TFDP2: variants seen among roughly 807,000 people sequenced by gnomAD.
The protein encoded by TFDP2 is transcription factor Dp-2.
A neutral mutation model predicts 59.3 loss-of-function variants in TFDP2; 17 were observed. That is an observed-to-expected ratio of 0.29 (90% CI 0.20 to 0.43). The LOEUF (loss-of-function observed/expected upper bound fraction) is 0.43, where lower values mean the gene tolerates loss of function less well. TFDP2 is among the 20% of genes least tolerant of loss of function. TFDP2 has a pLI of 1.00. For synonymous variants in TFDP2, 180 were observed against 194.7 expected (o/e 0.92, Z 0.63); for missense variants, 391 against 528.8 (o/e 0.74, Z 2.56).
intron 2 of TFDP2, among the ~76,000 whole-genome samples, chr3:142,097,856 GC>G (rs55699270): frequency 0.085 from 12,958 of 152,138 alleles, 691 homozygotes; most frequent in Middle Eastern, 0.14. Flanking sequence ...CACGATCTCG[GC>G]TCACTGCAAC....
intron 3 of TFDP2, among the ~76,000 whole-genome samples, chr3:142,010,921 A>G (rs1176282424): frequency 8.3e-6 from 1 of 121,148 alleles, no homozygotes; most frequent in Non-Finnish European, 1.7e-5. Context: ...AATGGCAATC[A>G]TTAAAAAGTC....
Position 141,999,893 on chromosome 3 carries a change from G to A in TFDP2, c.187-4752C>T, listed in dbSNP as rs190477136. On this transcript the variant is annotated intron_variant, in intron 4 of 12. Coordinates refer to ENST00000489671, the MANE Select transcript of TFDP2 (RefSeq NM_001178139.2). Reference sequence around the variant, plus strand: ...TGGGACTACAGGCGCCTGCCACCACGCCCGGCTAATTTTTTGTACTTTTAG... The same window carrying A: ...TGGGACTACAGGCGCCTGCCACCACACCCGGCTAATTTTTTGTACTTTTAG... Among the ~76,000 whole-genome samples, 921 of 152,004 alleles carry A rather than the reference G, an allele frequency of 6.1e-3. 12 individuals carry two copies. Among genetic ancestry groups the A allele is most frequent in the South Asian group, 0.03 (143 of 4,818 alleles).
Position 141,944,794 on chromosome 3 carries a change from G to A in TFDP2, c.*7719C>T, listed in dbSNP as rs1204076956. On this transcript the variant is annotated 3_prime_UTR_variant, in exon 13 of 13. Transcript: ENST00000489671. ...ATTTCAGAAAATCAGGAGTAATTACGTATACAGAAATAGCTCTTCTATAAA... is the reference window on the plus strand; with the variant it reads ...ATTTCAGAAAATCAGGAGTAATTACATATACAGAAATAGCTCTTCTATAAA... 1 of 152,114 alleles carries A rather than the reference G, an allele frequency of 6.6e-6. No individual in the cohort carries two copies. The highest frequency in any genetic ancestry group is 2.4e-5 in the African/African-American group (1 of 41,426). The allele number at this position is 152,114 out of a possible 1,614,324, so 9.4% of individuals were successfully genotyped here.
chr3:142,034,208 G>A (rs988847111), intron 3 of TFDP2, among the ~76,000 whole-genome samples: 5 of 148,826 alleles, frequency 3.4e-5, no homozygotes, highest in Middle Eastern at 3.5e-3. Context: ...CAATTCTCCC[G>A]CCTCAGCCTC....
chr3:142,068,432 A>C (rs886567790), intron 3 of TFDP2, among the ~76,000 whole-genome samples: 1 of 152,210 alleles, frequency 6.6e-6, no homozygotes, highest in South Asian at 2.1e-4. Flanking sequence ...GTTGAACTTC[A>C]TTAAAATTAA....
intron 8 of TFDP2, 97 bp downstream of exon 8, chr3:141,973,951 T>C (rs763452989): frequency 3.0e-5 from 42 of 1,385,378 alleles, no homozygotes; most frequent in African/African-American, 6.0e-5. Context: ...ACATGAAAAA[T>C]TGGAAATATT....
intron 1 of TFDP2, among the ~76,000 whole-genome samples, chr3:142,129,596 A>G (rs1176956246): frequency 6.6e-6 from 1 of 152,096 alleles, no homozygotes. Context: ...GAACCCCTAT[A>G]ATGCAACAAT....
chr3:142,030,372 G>A (rs1560063693), intron 3 of TFDP2, among the ~76,000 whole-genome samples: 1 of 152,150 alleles, frequency 6.6e-6, no homozygotes, highest in Non-Finnish European at 1.5e-5. Flanking sequence ...ATTCTATAAA[G>A]TAAGTTTTTG....
In TFDP2 at chr3:142,093,122, A is replaced by C; in HGVS notation, c.21T>G (p.Gly7=). 6.5e-7 allele frequency: 1 copy of C among 1,539,918 alleles called. No individual in the cohort carries two copies. Among genetic ancestry groups the C allele is most frequent in the East Asian group, 2.4e-5 (1 of 41,664 alleles). Residue 7 remains glycine, a synonymous_variant, in exon 3 of 13, where the codon GGT becomes GGG. Coordinates refer to ENST00000489671, the MANE Select transcript of TFDP2 (RefSeq NM_001178139.2). ...TTACTTCTGCATTTGTGGAAGTCAA[A>C]CCAACCTGAATAAAACCGTTTAAAA... MTAKNV[G]LTSTNAEVRG... is the part of the protein sequence containing the mutation.
intron 3 of TFDP2, among the ~76,000 whole-genome samples, chr3:142,013,384 CA>C (rs1328101738): frequency 6.6e-6 from 1 of 152,118 alleles, no homozygotes; most frequent in Admixed American, 6.6e-5. Context: ...GTTTTTGACT[CA>C]AAAGGACACC....
intron 6 of TFDP2, among the ~76,000 whole-genome samples, chr3:141,982,735 C>T (rs1941621695): frequency 6.6e-6 from 1 of 152,110 alleles, no homozygotes; most frequent in Admixed American, 6.6e-5. Context: ...GGAACAACTA[C>T]AATTTTAACA....
intron 3 of TFDP2, among the ~76,000 whole-genome samples, chr3:142,059,338 A>G (rs1269830261): frequency 2.1e-4 from 32 of 152,180 alleles, no homozygotes; most frequent in Admixed American, 2.1e-3. Flanking sequence ...AGGTCTAAAG[A>G]TCTGGAATAA....
chr3:142,010,419 GC>G (rs769580752), intron 3 of TFDP2, among the ~76,000 whole-genome samples: 2 of 152,052 alleles, frequency 1.3e-5, no homozygotes, highest in Non-Finnish European at 2.9e-5. Context: ...CACCAGCTTG[GC>G]CAACATGGTG....
intron 3 of TFDP2, among the ~76,000 whole-genome samples, chr3:142,044,428 G>T (rs896902274): frequency 6.6e-6 from 1 of 151,986 alleles, no homozygotes; most frequent in Non-Finnish European, 1.5e-5. Context: ...TAGAGATGGG[G>T]TTTCATCATG....
chr3:142,112,419 T>C (rs963424610), intron 1 of TFDP2, among the ~76,000 whole-genome samples: 2 of 152,200 alleles, frequency 1.3e-5, no homozygotes, highest in African/African-American at 4.8e-5. Context: ...AGTTAGTAAC[T>C]CAAGTCCTTA....
At chr3:141,968,659 TA>T (rs1350403088) in intron 9 of TFDP2, among the ~76,000 whole-genome samples, 1 of 113,220 alleles carries the variant, frequency 8.8e-6, no homozygotes, top group Non-Finnish European at 1.6e-5. Flanking sequence ...TATATAGATA[TA>T]TATAACACAT....
At chr3:142,094,796 A>G (rs2061110555) in intron 2 of TFDP2, among the ~76,000 whole-genome samples, 1 of 152,202 alleles carries the variant, frequency 6.6e-6, no homozygotes, top group Admixed American at 6.6e-5. Flanking sequence ...ATTATTGTGT[A>G]TATGTGTGTT....
chr3:142,088,638 T>A (rs1257249978), intron 3 of TFDP2, among the ~76,000 whole-genome samples: 3 of 137,824 alleles, frequency 2.2e-5, no homozygotes, highest in African/African-American at 5.6e-5. Flanking sequence ...TGAGACAGGG[T>A]CATGCTCTGT....
intron 4 of TFDP2, among the ~76,000 whole-genome samples, chr3:142,002,928 T>C (rs1943918414): frequency 6.6e-6 from 1 of 152,092 alleles, no homozygotes; most frequent in African/African-American, 2.4e-5. Flanking sequence ...AGGCTCACTC[T>C]CTGCTTCATA....
Sources: gnomAD v4.1 joint callset for allele counts (sites outside exome capture counted in the v4.1 genomes callset) on GRCh38, gnomAD v4.1.1 for gene constraint, MANE v1.5 for transcripts, NCBI Gene and HGNC (gene_info 2026-07-23, HGNC 2026-07-21) for gene names.